The following KHDRBS2 variants were observed in gnomAD, a reference collection of about 807,000 sequenced individuals.
KHDRBS2 encodes the protein KH RNA binding domain containing, signal transduction associated 2.
In KHDRBS2, 26 loss-of-function variants were observed where a neutral mutation model predicts 44.3. The observed-to-expected ratio is 0.59, with a 90% CI of 0.43 to 0.81. The LOEUF (loss-of-function observed/expected upper bound fraction) is 0.81, where lower values mean the gene tolerates loss of function less well. Among genes scored for constraint, KHDRBS2 ranks in the 40% least tolerant of loss-of-function variants. The pLI, the probability that KHDRBS2 is intolerant of heterozygous loss-of-function variation, is 0.00. For missense variants in KHDRBS2, 476 were observed against 433.1 expected, an observed-to-expected ratio of 1.10 and a Z score of -0.88; for synonymous variants, 194 against 151.1, an observed-to-expected ratio of 1.28 and a Z score of -2.08.
intron 1 of KHDRBS2, among the ~76,000 whole-genome samples, chr6:62,193,550 C>T (rs912568329): frequency 2.6e-5 from 4 of 152,082 alleles, no homozygotes; most frequent in African/African-American, 9.7e-5. Context: ...ATTATACATC[C>T]TTTCCCTTTA....
intron 4 of KHDRBS2, among the ~76,000 whole-genome samples, chr6:61,918,880 A>G (rs963369566): frequency 5.3e-4 from 81 of 151,922 alleles, no homozygotes; most frequent in African/African-American, 1.8e-3. Flanking sequence ...AAGTAAGCAA[A>G]TTACATAGAT....
At chr6:61,553,004 G>T in the KHDRBS2 span, among the ~76,000 whole-genome samples, 1 of 152,154 alleles carries the variant, frequency 6.6e-6, no homozygotes, top group South Asian at 2.1e-4. Context: ...GTATCAGGAT[G>T]ATGGTGGCCT....
chr6:61,733,273 C>T (rs372181719), intron 6 of KHDRBS2, among the ~76,000 whole-genome samples: 1 of 152,112 alleles, frequency 6.6e-6, no homozygotes, highest in Non-Finnish European at 1.5e-5. Context: ...AAAGAGGGAA[C>T]TAAAAAGGAA....
chr6:61,978,821 G>A (rs1773260570), intron 3 of KHDRBS2, among the ~76,000 whole-genome samples: 1 of 152,106 alleles, frequency 6.6e-6, no homozygotes, highest in African/African-American at 2.4e-5. Context: ...ATTAAAGGGT[G>A]GTTTAACATT....
chr6:61,568,995 TG>T, the KHDRBS2 span, among the ~76,000 whole-genome samples: 2 of 32,314 alleles, frequency 6.2e-5, no homozygotes. Flanking sequence ...TATGGGGAAG[TG>T]TGAGGTCCAA....
At chr6:61,857,289 C>T (rs1796286526) in intron 6 of KHDRBS2, among the ~76,000 whole-genome samples, 4 of 151,970 alleles carry the variant, frequency 2.6e-5, no homozygotes, top group Admixed American at 2.6e-4. Context: ...ACTTTCACTA[C>T]AAAAGTTGAC....
intron 6 of KHDRBS2, among the ~76,000 whole-genome samples, chr6:61,815,965 C>A (rs1788849991): frequency 6.6e-6 from 1 of 152,078 alleles, no homozygotes; most frequent in South Asian, 2.1e-4. Flanking sequence ...GGATTTTCAA[C>A]CATGCTGCTT....
intron 6 of KHDRBS2, among the ~76,000 whole-genome samples, chr6:61,734,056 A>G (rs1774929657): frequency 6.6e-6 from 1 of 152,202 alleles, no homozygotes; most frequent in South Asian, 2.1e-4. Flanking sequence ...TTTTAAGCCC[A>G]TTTAATGAAA....
chr6:61,866,740 C>A (rs1797858740), intron 6 of KHDRBS2, among the ~76,000 whole-genome samples: 4 of 152,186 alleles, frequency 2.6e-5, no homozygotes. Flanking sequence ...TTAGAAATTT[C>A]TTCTGCCAAA....
chr6:61,580,056 T>C, the KHDRBS2 span, among the ~76,000 whole-genome samples: 1 of 152,104 alleles, frequency 6.6e-6, no homozygotes. Flanking sequence ...AAACTCCATC[T>C]CAAAGAAAAT....
the KHDRBS2 span, among the ~76,000 whole-genome samples, chr6:61,672,689 G>T: frequency 6.6e-6 from 1 of 151,992 alleles, no homozygotes; most frequent in African/African-American, 2.4e-5. Flanking sequence ...TTTTTGATGG[G>T]GTTGTGTGTT....
At chr6:61,816,867 C>T (rs1039872196) in intron 6 of KHDRBS2, 2 of 436,588 alleles carry the variant, frequency 4.6e-6, no homozygotes, top group African/African-American at 4.1e-5. Flanking sequence ...GAGTGTTGTC[C>T]TAATTTAAAC....
chr6:62,041,582 TACAAATAATGA>T (rs1562705697), intron 3 of KHDRBS2, among the ~76,000 whole-genome samples: 1 of 152,116 alleles, frequency 6.6e-6, no homozygotes, highest in Admixed American at 6.6e-5. Context: ...AAGGGTACAG[TACAAATAATGA>T]GTCACAAGTG....
At chr6:61,712,278 T>C (rs574155048) in intron 7 of KHDRBS2, among the ~76,000 whole-genome samples, 2 of 151,784 alleles carry the variant, frequency 1.3e-5, no homozygotes, top group East Asian at 3.9e-4. Flanking sequence ...GTCATGAAAG[T>C]AGGGAGGGGT....
chr6:61,968,806 G>A (rs1014868612), intron 4 of KHDRBS2, among the ~76,000 whole-genome samples: 4 of 151,888 alleles, frequency 2.6e-5, no homozygotes, highest in African/African-American at 7.2e-5. Context: ...GCCTGACCTC[G>A]GGTAGTTTAA....
intron 1 of KHDRBS2, among the ~76,000 whole-genome samples, chr6:62,238,232 T>C (rs984829459): frequency 2.0e-5 from 3 of 152,156 alleles, no homozygotes; most frequent in East Asian, 1.9e-4. Context: ...AAAATATGCA[T>C]CTTTGTGTAC....
At chr6:62,198,957 C>T (rs1232392985) in intron 1 of KHDRBS2, among the ~76,000 whole-genome samples, 2 of 152,096 alleles carry the variant, frequency 1.3e-5, no homozygotes, top group Non-Finnish European at 2.9e-5. Context: ...AAAAGTAATC[C>T]AGCATATAAA....
intron 2 of KHDRBS2, among the ~76,000 whole-genome samples, chr6:62,108,862 C>A (rs533028583): frequency 6.6e-6 from 1 of 152,112 alleles, no homozygotes; most frequent in East Asian, 1.9e-4. Context: ...AACCAAACAC[C>A]GCATGTTCTC....
intron 3 of KHDRBS2, among the ~76,000 whole-genome samples, chr6:62,013,166 T>G (rs908056967): frequency 6.6e-6 from 1 of 152,196 alleles, no homozygotes; most frequent in Non-Finnish European, 1.5e-5. Flanking sequence ...ACAAGATTTC[T>G]AAGAAACTTT....
Sources: allele counts gnomAD v4.1 joint callset (sites outside exome capture counted in the v4.1 genomes callset), GRCh38; gene constraint gnomAD v4.1.1; transcripts MANE v1.5; gene names NCBI Gene and HGNC (gene_info 2026-07-23, HGNC 2026-07-21).